NEGR1: variants seen among roughly 807,000 people sequenced by gnomAD.
NEGR1 encodes the protein IgLON family member 4.
NEGR1 carries 10 observed loss-of-function variants against 40.9 expected under a neutral mutation model. That is an observed-to-expected ratio of 0.24 (90% confidence interval 0.15 to 0.42). NEGR1 has a LOEUF of 0.42. Ranked by LOEUF, NEGR1 falls within the 10% of genes least tolerant of loss-of-function variation. The probability of loss-of-function intolerance (pLI) is 1.00; values close to 1 mark genes in which losing one functional copy is unlikely to be tolerated. For missense variants in NEGR1, 352 were observed against 438.9 expected (o/e 0.80, Z 1.77); for synonymous variants, 185 against 166.8 (o/e 1.11, Z -0.84).
chr1:71,695,466 G>A lies in NEGR1; in HGVS notation c.667+2542C>T, dbSNP rs533607834. ...TACCTGAAATTTATTGTTAAAAAAG[G>A]TAGCCTCTGTCATGATTTAAAAAGC... is the stretch of plus-strand genomic sequence containing the variant. On this transcript the variant is annotated intron_variant, in intron 4 of 6. Coordinates refer to ENST00000357731, the MANE Select transcript of NEGR1 (RefSeq NM_173808.3). 3.3e-5 allele frequency among the ~76,000 whole-genome samples: 5 copies of A among 151,786 alleles called. No individual in the cohort carries two copies. In the East Asian group the frequency reaches 7.7e-4, roughly 24 times the overall value.
At chr1:71,791,005 G>A (rs528322810) in intron 2 of NEGR1, among the ~76,000 whole-genome samples, 1 of 151,852 alleles carries the variant, frequency 6.6e-6, no homozygotes, top group Non-Finnish European at 1.5e-5. Context: ...TAAGAGGGGA[G>A]GCAACAAAAA....
At chr1:71,427,856 C>A (rs1646439143) in intron 6 of NEGR1, among the ~76,000 whole-genome samples, 2 of 152,036 alleles carry the variant, frequency 1.3e-5, no homozygotes, top group African/African-American at 4.8e-5. Flanking sequence ...TAAAGAAAGG[C>A]AGTGAATGCT....
intron 1 of NEGR1, among the ~76,000 whole-genome samples, chr1:72,013,033 A>G (rs1646673303): frequency 6.6e-6 from 1 of 151,892 alleles, no homozygotes; most frequent in Non-Finnish European, 1.5e-5. Context: ...GCATGATGGA[A>G]TAACAGGAGA....
chr1:71,823,642 C>T (rs1397437591), intron 2 of NEGR1, among the ~76,000 whole-genome samples: 1 of 151,982 alleles, frequency 6.6e-6, no homozygotes, highest in East Asian at 1.9e-4. Context: ...GGACAGGTTA[C>T]CTAAATTTCA....
chr1:72,122,244 GT>G, intron 1 of NEGR1, among the ~76,000 whole-genome samples: 1 of 152,110 alleles, frequency 6.6e-6, no homozygotes, highest in South Asian at 2.1e-4. Flanking sequence ...TCAACAAGCT[GT>G]TCTCATTTAT....
chr1:71,769,829 G>A (rs904225049), intron 3 of NEGR1, among the ~76,000 whole-genome samples: 1 of 152,178 alleles, frequency 6.6e-6, no homozygotes, highest in African/African-American at 2.4e-5. Flanking sequence ...TAACAGCTAA[G>A]AATATGAAAT....
At chr1:71,423,693 T>C (rs950199318) in intron 6 of NEGR1, among the ~76,000 whole-genome samples, 1 of 152,098 alleles carries the variant, frequency 6.6e-6, no homozygotes, top group Admixed American at 6.6e-5. Flanking sequence ...AAATACAGGG[T>C]GGGATAGCAA....
chr1:71,451,126 G>A (rs111707195), intron 6 of NEGR1, among the ~76,000 whole-genome samples: 98 of 152,180 alleles, frequency 6.4e-4, no homozygotes, highest in African/African-American at 2.3e-3. Context: ...GCCCCTCCCC[G>A]TCCCAGAGTA....
chr1:71,418,640 C>CCTTAAGAAGAAATGTAATAA (rs1447884481), intron 6 of NEGR1, among the ~76,000 whole-genome samples: 1 of 152,082 alleles, frequency 6.6e-6, no homozygotes, highest in Non-Finnish European at 1.5e-5. Flanking sequence ...ATATATTTCT[C>CCTTAAGAAGAAATGTAATAA]CTTAAGAAGA....
chr1:71,932,787 C>A (rs1645867709), intron 2 of NEGR1, among the ~76,000 whole-genome samples: 1 of 152,008 alleles, frequency 6.6e-6, no homozygotes, highest in African/African-American at 2.4e-5. Context: ...TATGCTGATA[C>A]CCCTGAGCAT....
Position 71,696,218 on chromosome 1 carries a change from C to A in NEGR1, c.667+1790G>T, listed in dbSNP as rs533358432. Among the ~76,000 whole-genome samples, 9 of 151,880 alleles carry A rather than the reference C, an allele frequency of 5.9e-5. No individual in the cohort carries two copies. The East Asian group carries it at 1.5e-3, about 26-fold the overall frequency. ...TCAAGTTTCTGCCTCCTTAAGTTGA[C>A]TTTCTCGGTCTAAATTTCCTGCTTG... On this transcript the variant is annotated intron_variant, in intron 4 of 6. Transcript: ENST00000357731.
At chr1:71,576,322 T>C (rs1464643269) in intron 6 of NEGR1, among the ~76,000 whole-genome samples, 2 of 152,192 alleles carry the variant, frequency 1.3e-5, no homozygotes, top group Non-Finnish European at 2.9e-5. Flanking sequence ...CTGGTTGATA[T>C]TCCACCATAG....
chr1:71,627,482 A>G (rs1650825260), intron 4 of NEGR1, among the ~76,000 whole-genome samples: 1 of 152,014 alleles, frequency 6.6e-6, no homozygotes, highest in Non-Finnish European at 1.5e-5. Context: ...CTGTTAGACT[A>G]ATGCCATTTT....
At chr1:71,728,023 C>G (rs1654729448) in intron 3 of NEGR1, among the ~76,000 whole-genome samples, 1 of 152,076 alleles carries the variant, frequency 6.6e-6, no homozygotes, top group African/African-American at 2.4e-5. Flanking sequence ...TAAGCCTGGA[C>G]CATTCAATAC....
intron 1 of NEGR1, among the ~76,000 whole-genome samples, chr1:72,135,279 G>A (rs1237239238): frequency 6.7e-6 from 1 of 149,448 alleles, no homozygotes; most frequent in Non-Finnish European, 1.5e-5. Context: ...GGGAGGCTGA[G>A]GCAGGAGAAA....
At chr1:71,500,494 T>A (rs913162662) in intron 6 of NEGR1, among the ~76,000 whole-genome samples, 14 of 152,064 alleles carry the variant, frequency 9.2e-5, no homozygotes, top group African/African-American at 3.1e-4. Context: ...CATTAAAAGG[T>A]CCGATCTTCT....
chr1:72,004,635 C>T (rs1314472182), intron 1 of NEGR1, among the ~76,000 whole-genome samples: 3 of 152,140 alleles, frequency 2.0e-5, no homozygotes, highest in African/African-American at 7.2e-5. Flanking sequence ...TTATGCATTA[C>T]ATTTTTATGT....
At chr1:71,991,760 T>TA (rs1646454331) in intron 1 of NEGR1, among the ~76,000 whole-genome samples, 1 of 152,096 alleles carries the variant, frequency 6.6e-6, no homozygotes, top group South Asian at 2.1e-4. Flanking sequence ...GGAATGTCAG[T>TA]AAATGAATGA....
intron 3 of NEGR1, among the ~76,000 whole-genome samples, chr1:71,768,337 G>A (rs540982875): frequency 6.6e-6 from 1 of 152,294 alleles, no homozygotes; most frequent in African/African-American, 2.4e-5. Flanking sequence ...GCTTCAGTGT[G>A]CCCTGATTGT....
Sources: allele counts gnomAD v4.1 joint callset (sites outside exome capture counted in the v4.1 genomes callset), GRCh38; gene constraint gnomAD v4.1.1; transcripts MANE v1.5; gene names NCBI Gene and HGNC (gene_info 2026-07-23, HGNC 2026-07-21).